The following DOCK4 variants were observed in gnomAD, a reference collection of about 807,000 sequenced individuals.
The protein encoded by DOCK4 is dedicator of cytokinesis 4.
In DOCK4, 97 loss-of-function variants were observed where a neutral mutation model predicts 268.1. The ratio of observed to expected loss-of-function variants is 0.36; its 90% CI spans 0.31 to 0.43. The LOEUF (loss-of-function observed/expected upper bound fraction) is 0.43, where lower values mean the gene tolerates loss of function less well. Ranked by LOEUF, DOCK4 falls within the 20% of genes least tolerant of loss-of-function variation. DOCK4 has a pLI of 1.00. For missense variants in DOCK4, 2,145 were observed against 2,455.7 expected, an observed-to-expected ratio of 0.87 and a Z score of 2.67; for synonymous variants, 954 against 887.2, an observed-to-expected ratio of 1.08 and a Z score of -1.34.
intron 1 of DOCK4, among the ~76,000 whole-genome samples, chr7:112,085,795 A>C (rs1809027907): frequency 6.6e-6 from 1 of 152,154 alleles, no homozygotes. Flanking sequence ...TGATCTAGGT[A>C]TCTTCAGCAG....
chr7:112,170,568 AC>A (rs1331263272), intron 1 of DOCK4, among the ~76,000 whole-genome samples: 1 of 152,198 alleles, frequency 6.6e-6, no homozygotes, highest in African/African-American at 2.4e-5. Context: ...AACAAGAATT[AC>A]ATTCATAATG....
chr7:112,181,608 C>G (rs1819042133), intron 1 of DOCK4, among the ~76,000 whole-genome samples: 2 of 133,048 alleles, frequency 1.5e-5, no homozygotes, highest in African/African-American at 5.8e-5. Flanking sequence ...CCACTGCACT[C>G]CAGCCTGAGC....
At chr7:112,128,553 T>C (rs1306300368) in intron 1 of DOCK4, among the ~76,000 whole-genome samples, 1 of 152,208 alleles carries the variant, frequency 6.6e-6, no homozygotes, top group East Asian at 1.9e-4. Flanking sequence ...ATGGGAGACT[T>C]CATTTTGTTC....
At chr7:112,170,361 T>C (rs1217529496) in intron 1 of DOCK4, among the ~76,000 whole-genome samples, 4 of 151,992 alleles carry the variant, frequency 2.6e-5, no homozygotes, top group Non-Finnish European at 5.9e-5. Context: ...CTCAGGAGGC[T>C]GAGGTGGAAG....
chr7:111,778,629 T>C (rs904240854), intron 35 of DOCK4, among the ~76,000 whole-genome samples: 3 of 152,220 alleles, frequency 2.0e-5, no homozygotes, highest in African/African-American at 7.2e-5. Context: ...AGTTTAAATG[T>C]CAATGAACAA....
chr7:111,930,335 G>T (rs1216108906), intron 12 of DOCK4, among the ~76,000 whole-genome samples: 2 of 152,100 alleles, frequency 1.3e-5, no homozygotes, highest in Non-Finnish European at 2.9e-5. Flanking sequence ...GGTTAGAGGG[G>T]AAAAAAGCCC....
intron 27 of DOCK4, chr7:111,821,027 T>C (rs1801933604): frequency 6.8e-6 from 1 of 146,894 alleles, no homozygotes; most frequent in Non-Finnish European, 1.5e-5. Flanking sequence ...AAGAGAGCTA[T>C]TTCAACACTC....
rs1205619141 is a variant in DOCK4 at position 111,765,212 on chromosome 7, G to C, written c.3926C>G (p.Ala1309Gly). The change falls in exon 39 of 53, where the codon GCC becomes GGC. Residue 1309 changes from alanine (A) to glycine (G), a missense_variant. Transcript: ENST00000428084. ...GTCCATAATTTTGTCATACAAAGAGGCTTCCATCATCTAGAAAGCACAGGA... is the reference window on the plus strand; with the variant it reads ...GTCCATAATTTTGTCATACAAAGAGCCTTCCATCATCTAGAAAGCACAGGA... ...RNLSKMRMME[A>G]SLYDKIMDQQ... 10 of 1,544,494 alleles carry C rather than the reference G, an allele frequency of 6.5e-6. No homozygotes were observed. Among genetic ancestry groups the C allele is most frequent in the Non-Finnish European group, 8.7e-6 (10 of 1,145,010 alleles).
rs954924366 is a variant in DOCK4 at position 112,053,941 on chromosome 7, G to A, written c.38-49810C>T. Among the ~76,000 whole-genome samples, 5 of 152,270 alleles carry A rather than the reference G, an allele frequency of 3.3e-5. No homozygotes were observed. The East Asian group carries it at 7.7e-4, about 24-fold the overall frequency. On this transcript the variant is annotated intron_variant, in intron 1 of 52. Transcript: ENST00000428084. ...AACAAATGTCCAGGAGGTCTCCCCTGAGCTTCTCGAACTCCCACTGTGTAA... is the reference window on the plus strand; with the variant it reads ...AACAAATGTCCAGGAGGTCTCCCCTAAGCTTCTCGAACTCCCACTGTGTAA...
intron 12 of DOCK4, among the ~76,000 whole-genome samples, chr7:111,930,948 C>T (rs1794150692): frequency 6.6e-6 from 1 of 152,212 alleles, no homozygotes; most frequent in African/African-American, 2.4e-5. Flanking sequence ...TGAGCTTCCA[C>T]TCTCTAGAGC....
At chr7:111,735,980 C>T (rs3801789) in intron 50 of DOCK4, among the ~76,000 whole-genome samples, 45,055 of 152,050 alleles carry the variant, frequency 0.3, 7,146 homozygotes, top group South Asian at 0.46. Context: ...AAATTTGCAT[C>T]GTGGTTTTCT....
intron 1 of DOCK4, among the ~76,000 whole-genome samples, chr7:112,127,076 C>G (rs1176213700): frequency 1.1e-4 from 16 of 151,356 alleles, no homozygotes; most frequent in Non-Finnish European, 2.1e-4. Flanking sequence ...ACCCAAAGGA[C>G]TATAAATCAT....
At chr7:112,169,621 CAA>C (rs1005569494) in intron 1 of DOCK4, among the ~76,000 whole-genome samples, 2 of 152,160 alleles carry the variant, frequency 1.3e-5, no homozygotes, top group African/African-American at 4.8e-5. Flanking sequence ...AGATAAATCC[CAA>C]TCATGCATCT....
At chr7:111,892,697 G>A (rs535698754) in intron 16 of DOCK4, among the ~76,000 whole-genome samples, 91 of 152,222 alleles carry the variant, frequency 6.0e-4, no homozygotes, top group African/African-American at 8.7e-4. Flanking sequence ...ATTCAAGGCC[G>A]CACAATGATC....
intron 32 of DOCK4, among the ~76,000 whole-genome samples, chr7:111,788,229 G>T (rs1799305283): frequency 6.6e-6 from 1 of 152,208 alleles, no homozygotes; most frequent in Admixed American, 6.5e-5. Context: ...ATCAGGTGTT[G>T]AAGAACAGAT....
At chr7:112,074,468 T>G (rs1371265059) in intron 1 of DOCK4, among the ~76,000 whole-genome samples, 1 of 152,200 alleles carries the variant, frequency 6.6e-6, no homozygotes, top group African/African-American at 2.4e-5. Context: ...TCCTCCTCTG[T>G]GATGCTGGGC....
At chr7:111,995,430 T>C (rs1378583882) in intron 4 of DOCK4, among the ~76,000 whole-genome samples, 1 of 84,884 alleles carries the variant, frequency 1.2e-5, no homozygotes, top group East Asian at 7.0e-4. Flanking sequence ...TGTGTGTGTG[T>C]GTGTGTGTGT....
At chr7:111,746,110 C>A (rs1796248294) in intron 44 of DOCK4, among the ~76,000 whole-genome samples, 1 of 152,156 alleles carries the variant, frequency 6.6e-6, no homozygotes, top group Admixed American at 6.5e-5. Context: ...GGATACTCAA[C>A]CTGTAACTGG....
intron 25 of DOCK4, among the ~76,000 whole-genome samples, chr7:111,835,984 G>T (rs1199799870): frequency 1.3e-5 from 2 of 152,082 alleles, no homozygotes; most frequent in African/African-American, 2.4e-5. Context: ...ACCAGTGTGG[G>T]CCAGAAGAAA....
Sources: allele counts gnomAD v4.1 joint callset (sites outside exome capture counted in the v4.1 genomes callset), GRCh38; gene constraint gnomAD v4.1.1; transcripts MANE v1.5; gene names NCBI Gene and HGNC (gene_info 2026-07-23, HGNC 2026-07-21).